The following EFR3B variants were observed in gnomAD, a reference collection of about 807,000 sequenced individuals.
The protein encoded by EFR3B is protein EFR3 homolog B.
Under a neutral mutation model 104.7 loss-of-function variants are expected in EFR3B, and 64 were observed. That is an observed-to-expected ratio of 0.61 (90% CI 0.50 to 0.75). EFR3B has a LOEUF of 0.75. Ranked by LOEUF, EFR3B falls within the 30% of genes least tolerant of loss-of-function variation. EFR3B has a pLI of 0.00. For synonymous variants in EFR3B, 385 were observed against 417.9 expected (o/e 0.92, Z 0.96); for missense variants, 750 against 1,078.5 (o/e 0.70, Z 4.27).
chr2:25,091,488 C>CTTCCCCACCCGGCAGGA, intron 2 of EFR3B, 87 bp downstream of exon 2: 1 of 1,271,244 alleles, frequency 7.9e-7, no homozygotes, highest in Non-Finnish European at 1.1e-6. Flanking sequence ...GGCCTCCTGC[C>CTTCCCCACCCGGCAGGA]GGGTGGGGAA....
intron 4 of EFR3B, among the ~76,000 whole-genome samples, chr2:25,105,823 G>A (rs1340349238): frequency 6.6e-6 from 1 of 152,178 alleles, no homozygotes; most frequent in African/African-American, 2.4e-5. Context: ...TCCTAGCCCA[G>A]GGTAGGTGTT....
Position 25,137,731 on chromosome 2 carries a change from A to C in EFR3B, c.1722+229A>C, listed in dbSNP as rs1308469847. On this transcript the variant is annotated intron_variant, in intron 15 of 22. Transcript: ENST00000403714. The surrounding 1 kb of genome is among the most constrained non-coding windows in gnomAD (Gnocchi z 4.7). ...TCTTGGCCCGTCCTTAAGCTAAAGA[A>C]GACCCAGGGAACCGGGTCGTTCAGA... Among the ~76,000 whole-genome samples, 1 of 152,216 alleles carries C rather than the reference A, an allele frequency of 6.6e-6. No homozygotes were observed. Among genetic ancestry groups the C allele is most frequent in the African/African-American group, 2.4e-5 (1 of 41,460 alleles).
At chr2:25,144,148 A>G (rs1670752929) in intron 18 of EFR3B, among the ~76,000 whole-genome samples, 1 of 152,158 alleles carries the variant, frequency 6.6e-6, no homozygotes, top group African/African-American at 2.4e-5. Context: ...GGAACCAGAG[A>G]CCCAGTTTGA....
At chr2:25,072,428 A>G (rs1004933203) in intron 1 of EFR3B, among the ~76,000 whole-genome samples, 3 of 152,096 alleles carry the variant, frequency 2.0e-5, no homozygotes, top group Admixed American at 1.3e-4. Flanking sequence ...TTACAGGTGC[A>G]TGCTACCACA....
chr2:25,151,133 A>G (rs1670995806), intron 20 of EFR3B, among the ~76,000 whole-genome samples: 1 of 151,790 alleles, frequency 6.6e-6, no homozygotes. Flanking sequence ...GTGCTAACTC[A>G]TCTTGGATAC....
intron 1 of EFR3B, among the ~76,000 whole-genome samples, chr2:25,051,109 C>T (rs1667855277): frequency 6.6e-6 from 1 of 151,816 alleles, no homozygotes; most frequent in Non-Finnish European, 1.5e-5. Flanking sequence ...TATGATTTCT[C>T]TTTTTTTTCT....
At chr2:25,115,910 C>T (rs1029058778) in intron 4 of EFR3B, 1 of 152,234 alleles carries the variant, frequency 6.6e-6, no homozygotes, top group South Asian at 2.1e-4. Context: ...TGAATAGCCT[C>T]TTCTAGAACT....
At chr2:25,152,234 C>G (rs1018694236) in intron 21 of EFR3B, among the ~76,000 whole-genome samples, 1 of 151,880 alleles carries the variant, frequency 6.6e-6, no homozygotes, top group African/African-American at 2.4e-5. Flanking sequence ...GCACTGCTCC[C>G]CTATGAACCA....
In EFR3B at chr2:25,136,426, A is replaced by ATCC; in HGVS notation, c.1485-97_1485-96insTCC. 2.0e-5 allele frequency: 19 copies of ATCC among 973,794 alleles called. No homozygotes were observed. The highest frequency in any genetic ancestry group is 2.8e-5 in the Non-Finnish European group (18 of 642,300). The allele number at this position is 973,794 out of a possible 1,614,324, so 60.3% of individuals were successfully genotyped here. On this transcript the variant is annotated intron_variant, in intron 13 of 22. Coordinates refer to ENST00000403714, the MANE Select transcript of EFR3B (RefSeq NM_014971.2). This position sits in a 1 kb window ranked among gnomAD's most constrained non-coding sequence, Gnocchi z 4.0. ...GCCAGGGGAGCACTGGAGGCTTTGT[A>ATCC]CCAACTAACAATGTTGGGGATAAAG...
intron 1 of EFR3B, among the ~76,000 whole-genome samples, chr2:25,044,542 G>T (rs1484653261): frequency 6.6e-6 from 1 of 152,070 alleles, no homozygotes; most frequent in Non-Finnish European, 1.5e-5. Flanking sequence ...GATGGAACAG[G>T]GCACAATGAA....
chr2:25,042,079 A>G lies in EFR3B; in HGVS notation c.-234A>G, dbSNP rs982688741. Reference sequence around the variant, plus strand: ...ATAGCCCCCGCCCCCTGCGCGCAGCAGTGCCCAGCAACCCGAGCGGAGGCG... The same window carrying G: ...ATAGCCCCCGCCCCCTGCGCGCAGCGGTGCCCAGCAACCCGAGCGGAGGCG... On this transcript the variant is annotated 5_prime_UTR_variant, in exon 1 of 23. Transcript: ENST00000403714. The surrounding 1 kb of genome is among the most constrained non-coding windows in gnomAD (Gnocchi z 5.4). The G allele has an allele frequency of 3.4e-6, 1 of 292,744 alleles. No homozygotes were observed. The highest frequency in any genetic ancestry group is 6.2e-6 in the Non-Finnish European group (1 of 161,276). 18.1% of individuals were successfully genotyped at this position (292,744 alleles called of 1,614,324 possible). A position where few individuals can be genotyped will look rare whatever the true frequency, so the allele number is the denominator to read the frequency against.
At chr2:25,115,384 C>A (rs1165500728) in intron 4 of EFR3B, among the ~76,000 whole-genome samples, 1 of 152,170 alleles carries the variant, frequency 6.6e-6, no homozygotes, top group Admixed American at 6.5e-5. Flanking sequence ...CTCAGCTCCA[C>A]CTGTCGCAAG....
At position 25,154,637 on chromosome 2, in the gene EFR3B, G is replaced by A; in HGVS notation, c.*297G>A. 1 of 339,778 alleles carries A rather than the reference G, an allele frequency of 2.9e-6. No individual in the cohort carries two copies. Among genetic ancestry groups the A allele is most frequent in the East Asian group, 5.8e-5 (1 of 17,256 alleles). 21.0% of individuals were successfully genotyped at this position (339,778 alleles called of 1,614,324 possible). A position where few individuals can be genotyped will look rare whatever the true frequency, so the allele number is the denominator to read the frequency against. ...GGTGTCTCTCAGGAGAAGCCGGGGGGAGGGGGCTGAGAAGCTCCTACTTGG... is the reference window on the plus strand; with the variant it reads ...GGTGTCTCTCAGGAGAAGCCGGGGGAAGGGGGCTGAGAAGCTCCTACTTGG... On this transcript the variant is annotated 3_prime_UTR_variant, in exon 23 of 23. Coordinates refer to ENST00000403714, the MANE Select transcript of EFR3B (RefSeq NM_014971.2). The surrounding 1 kb of genome is among the most constrained non-coding windows in gnomAD (Gnocchi z 4.1).
At chr2:25,145,809 C>A (rs1269260460) in intron 19 of EFR3B, 1 of 152,060 alleles carries the variant, frequency 6.6e-6, no homozygotes, top group Admixed American at 6.6e-5. Context: ...TTGCCCCCTC[C>A]CCTCCCCTGA....
chr2:25,130,646 TGG>T lies in EFR3B; in HGVS notation c.849+18_849+19del, dbSNP rs1365968887. 5.2e-6 allele frequency: 8 copies of T among 1,548,730 alleles called. No individual in the cohort carries two copies. Among genetic ancestry groups the T allele is most frequent in the Non-Finnish European group, 7.0e-6 (8 of 1,144,446 alleles). On this transcript the variant is annotated intron_variant, in intron 8 of 22. Transcript: ENST00000403714. This position sits in a 1 kb window ranked among gnomAD's most constrained non-coding sequence, Gnocchi z 4.6. ...CTCAATTCAGGTATGGTGGCTCCCC[TGG>T]GCCAGCCGGATCCCAGGACAAAGGC...
intron 5 of EFR3B, among the ~76,000 whole-genome samples, chr2:25,127,301 A>G (rs2149203436): frequency 6.6e-6 from 1 of 152,172 alleles, no homozygotes; most frequent in African/African-American, 2.4e-5. Flanking sequence ...ACCATTCAAC[A>G]TGTTTATGAA....
intron 3 of EFR3B, among the ~76,000 whole-genome samples, chr2:25,099,221 G>A (rs987687367): frequency 6.6e-6 from 1 of 152,146 alleles, no homozygotes; most frequent in Non-Finnish European, 1.5e-5. Context: ...TCTCTACACA[G>A]TGGACCTGAA....
chr2:25,044,674 C>G (rs1037744475), intron 1 of EFR3B, among the ~76,000 whole-genome samples: 1 of 152,094 alleles, frequency 6.6e-6, no homozygotes, highest in Non-Finnish European at 1.5e-5. Flanking sequence ...GGCAGAGAGG[C>G]CCCCCTATGG....
Position 25,130,868 on chromosome 2 carries a change from T to TA in EFR3B, c.849+244dup, listed in dbSNP as rs1328445479. On this transcript the variant is annotated intron_variant, in intron 8 of 22. Coordinates refer to ENST00000403714, the MANE Select transcript of EFR3B (RefSeq NM_014971.2). The surrounding 1 kb of genome is among the most constrained non-coding windows in gnomAD (Gnocchi z 4.6). ...ACAAATAATTTCTAGAAAAATTAAA[T>TA]AAAAAACTCATGCAAAATGCAAGCC... 1.3e-5 allele frequency among the ~76,000 whole-genome samples: 2 copies of TA among 152,180 alleles called. No homozygotes were observed. The highest frequency in any genetic ancestry group is 2.9e-5 in the Non-Finnish European group (2 of 68,012).
Sources: allele counts gnomAD v4.1 joint callset (sites outside exome capture counted in the v4.1 genomes callset), GRCh38; gene constraint gnomAD v4.1.1; non-coding constraint Gnocchi (gnomAD v3.1); transcripts MANE v1.5; gene names NCBI Gene and HGNC (gene_info 2026-07-23, HGNC 2026-07-21).